TDRD9: variants seen among roughly 807,000 people sequenced by gnomAD.
The protein encoded by TDRD9 is ATP-dependent RNA helicase TDRD9.
TDRD9 carries 124 observed loss-of-function variants against 172.6 expected under a neutral mutation model. The observed-to-expected ratio is 0.72, with a 90% CI of 0.62 to 0.83. The LOEUF (loss-of-function observed/expected upper bound fraction) is 0.83. TDRD9 is among the 40% of genes least tolerant of loss of function. TDRD9 has a pLI of 0.00. For missense variants in TDRD9, 1,479 were observed against 1,714.1 expected, an observed-to-expected ratio of 0.86 and a Z score of 2.42; for synonymous variants, 619 against 617.1, an observed-to-expected ratio of 1.00 and a Z score of -0.05.
rs750588774 is a variant in TDRD9 at position 103,994,384 on chromosome 14, A to G, written c.1233A>G (p.Lys411=). 1.2e-6 allele frequency: 2 copies of G among 1,613,542 alleles called. No homozygotes were observed. The highest frequency in any genetic ancestry group is 3.3e-5 in the Admixed American group (2 of 60,022). The part of the protein sequence containing the change: ...MHELLTSLVH[K]RLQVYPLHSS... ...AACTTCTCACAAGCCTGGTTCATAA[A>G]AGGTATGTTGAAAATGATACAGCTG... The change falls in exon 10 of 36, where the codon AAA becomes AAG. Residue 411 remains lysine (K), a splice_region_variant and synonymous_variant. Transcript: ENST00000409874.
intron 12 of TDRD9, among the ~76,000 whole-genome samples, chr14:103,998,357 A>G (rs2034130849): frequency 6.6e-6 from 1 of 152,088 alleles, no homozygotes; most frequent in Non-Finnish European, 1.5e-5. Context: ...TTTCGGGTGC[A>G]GTCCAGGTAG....
Position 104,022,295 on chromosome 14 carries a change from G to A in TDRD9, c.2571G>A (p.Val857=). 6.2e-7 allele frequency: 1 copy of A among 1,613,788 alleles called. No homozygotes were observed. Among genetic ancestry groups the A allele is most frequent in the East Asian group, 2.2e-5 (1 of 44,878 alleles). ...CTGCAGAGGAAATTGAAGGGAAGGT[G>A]CAAGGCATGAACGTCTCAAAGCTCA... ...VHSAEEIEGK[V]QGMNVSKLRN... Residue 857 remains valine, a synonymous_variant, in exon 24 of 36, where the codon GTG becomes GTA. Transcript: ENST00000409874.
At chr14:104,037,152 G>T (rs576747052) in intron 32 of TDRD9, among the ~76,000 whole-genome samples, 1 of 151,976 alleles carries the variant, frequency 6.6e-6, no homozygotes, top group Non-Finnish European at 1.5e-5. Context: ...GCAGTCTTCT[G>T]CAGCGAGCAG....
chr14:103,953,314 ACT>A (rs1283948879), intron 1 of TDRD9, among the ~76,000 whole-genome samples: 1 of 151,864 alleles, frequency 6.6e-6, no homozygotes, highest in African/African-American at 2.4e-5. Flanking sequence ...AGGCATCTTG[ACT>A]CTCTCAGCTG....
intron 13 of TDRD9, among the ~76,000 whole-genome samples, chr14:103,999,643 A>ACATTTAATCTTTTAATCTACCT (rs1566771643): frequency 7.7e-6 from 1 of 130,470 alleles, no homozygotes; most frequent in Admixed American, 7.5e-5. Context: ...TGTTTTTTAG[A>ACATTTAATCTTTTAATCTACCT]AAACCTTTTG....
rs1307705339 is a variant in TDRD9, at chr14:103,980,467, G to A, written c.1011+4914G>A. 6.6e-6 allele frequency among the ~76,000 whole-genome samples: 1 copy of A among 152,162 alleles called. No homozygotes were observed. The highest frequency in any genetic ancestry group is 2.4e-5 in the African/African-American group (1 of 41,424). On this transcript the variant is annotated intron_variant, in intron 7 of 35. Transcript: ENST00000409874. The surrounding 1 kb of genome is among the most constrained non-coding windows in gnomAD (Gnocchi z 4.5). ...TATGCTATTATTTCTGCTTATCAGAGACTTTTAGTACTTTCACTAACTTGC... is the reference window on the plus strand; with the variant it reads ...TATGCTATTATTTCTGCTTATCAGAAACTTTTAGTACTTTCACTAACTTGC...
intron 20 of TDRD9, among the ~76,000 whole-genome samples, chr14:104,013,432 G>C (rs1361157261): frequency 6.6e-6 from 1 of 152,126 alleles, no homozygotes; most frequent in Non-Finnish European, 1.5e-5. Context: ...GTGTTTCAAG[G>C]ATCTAAAGCA....
chr14:103,967,957 T>G (rs1434554437), intron 5 of TDRD9, among the ~76,000 whole-genome samples: 1 of 152,218 alleles, frequency 6.6e-6, no homozygotes, highest in Non-Finnish European at 1.5e-5. Flanking sequence ...TTAAGGAAGT[T>G]CAGTGCTCAG....
chr14:103,994,891 C>T (rs2034001103), intron 11 of TDRD9, among the ~76,000 whole-genome samples: 1 of 150,444 alleles, frequency 6.6e-6, no homozygotes. Flanking sequence ...GTGGAGGCTG[C>T]AGTGACCCGA....
chr14:103,941,451 A>G (rs78523783), intron 1 of TDRD9: 97,502 of 1,534,940 alleles, frequency 0.064, 3,557 homozygotes, highest in Non-Finnish European at 0.074. Context: ...AAGAACTTCA[A>G]GTTGTCTTTG....
At chr14:104,041,284 G>A (rs2035604841) in intron 33 of TDRD9, among the ~76,000 whole-genome samples, 1 of 152,168 alleles carries the variant, frequency 6.6e-6, no homozygotes, top group African/African-American at 2.4e-5. Context: ...AGTGCTACAA[G>A]CAAATTCAGG....
intron 7 of TDRD9, among the ~76,000 whole-genome samples, chr14:103,979,807 C>A (rs2033398582): frequency 6.6e-6 from 1 of 152,038 alleles, no homozygotes; most frequent in Non-Finnish European, 1.5e-5. Context: ...CCAGGTGAGG[C>A]TCTATTCAAG....
intron 1 of TDRD9, among the ~76,000 whole-genome samples, chr14:103,939,491 A>G (rs2031034362): frequency 6.6e-6 from 1 of 152,018 alleles, no homozygotes; most frequent in Non-Finnish European, 1.5e-5. Context: ...AGTATGTAGG[A>G]AAACTGAAAA....
intron 28 of TDRD9, among the ~76,000 whole-genome samples, chr14:104,027,587 A>G (rs2035161174): frequency 6.6e-6 from 1 of 152,212 alleles, no homozygotes. Context: ...CCACATAATC[A>G]TTGTACATAT....
chr14:103,946,378 C>A (rs891991619), intron 1 of TDRD9, among the ~76,000 whole-genome samples: 6 of 152,146 alleles, frequency 3.9e-5, no homozygotes, highest in African/African-American at 7.2e-5. Flanking sequence ...AAACTCTCAA[C>A]AAACTAGAAA....
At chr14:104,013,395 G>A (rs11628958) in intron 20 of TDRD9, among the ~76,000 whole-genome samples, 9,783 of 152,236 alleles carry the variant, frequency 0.064, 440 homozygotes, top group Middle Eastern at 0.13. Context: ...CACAAAAGCC[G>A]TACATGTTCA....
At chr14:103,943,909 G>A (rs1181448758) in intron 1 of TDRD9, among the ~76,000 whole-genome samples, 1 of 152,188 alleles carries the variant, frequency 6.6e-6, no homozygotes, top group Non-Finnish European at 1.5e-5. Context: ...AAAGCCAGAT[G>A]TCAGGACTGA....
In TDRD9 at chr14:104,026,741, C is replaced by G; in HGVS notation, c.3084C>G (p.His1028Gln). 6.2e-7 allele frequency: 1 copy of G among 1,614,016 alleles called. No homozygotes were observed. The highest frequency in any genetic ancestry group is 8.5e-7 in the Non-Finnish European group (1 of 1,179,906). Residue 1028 changes from histidine (H) to glutamine (Q), a missense_variant, in exon 28 of 36, where the codon CAC becomes CAG. Physicochemically the swap from His to Gln is conservative, Grantham distance 24. Coordinates refer to ENST00000409874, the MANE Select transcript of TDRD9 (RefSeq NM_153046.3). Reference sequence around the variant, plus strand: ...CAAAGTCTCTTGTTTGTGGCAAGCACTGGAGTGACGGGGCCAGCCAGTGGT... The same window carrying G: ...CAAAGTCTCTTGTTTGTGGCAAGCAGTGGAGTGACGGGGCCAGCCAGTGGT... The part of the protein sequence containing the change: ...PSAKSLVCGK[H>Q]WSDGASQWFA...
At chr14:104,024,430 A>T (rs890456345) in intron 24 of TDRD9, 139 bp from the exon 25 acceptor site, 1 of 528,818 alleles carries the variant, frequency 1.9e-6, no homozygotes, top group African/African-American at 2.0e-5. Flanking sequence ...CAAATTTGTC[A>T]TCTCTGGCTT....
Sources: allele counts gnomAD v4.1 joint callset (sites outside exome capture counted in the v4.1 genomes callset), GRCh38; gene constraint gnomAD v4.1.1; non-coding constraint Gnocchi (gnomAD v3.1); transcripts MANE v1.5; gene names NCBI Gene and HGNC (gene_info 2026-07-23, HGNC 2026-07-21).